CDH12: variants seen among roughly 807,000 people sequenced by gnomAD.
CDH12 encodes the protein cadherin 12.
A neutral mutation model predicts 74.1 loss-of-function variants in CDH12; 41 were observed. The observed-to-expected ratio is 0.55, with a 90% CI of 0.43 to 0.72. The LOEUF is 0.72. Among genes scored for constraint, CDH12 ranks in the 30% least tolerant of loss-of-function variants. The pLI is 0.00. For synonymous variants in CDH12, 399 were observed against 355.0 expected (o/e 1.12, Z -1.39); for missense variants, 945 against 977.2 (o/e 0.97, Z 0.44).
At chr5:22,215,985 G>A (rs1275518809) in intron 3 of CDH12, among the ~76,000 whole-genome samples, 3 of 152,132 alleles carry the variant, frequency 2.0e-5, no homozygotes, top group Admixed American at 1.3e-4. Context: ...TTGTGAAATA[G>A]GTTACCATAA....
intron 1 of CDH12, among the ~76,000 whole-genome samples, chr5:22,745,615 C>A (rs374660778): frequency 7.2e-5 from 11 of 152,058 alleles, no homozygotes; most frequent in Non-Finnish European, 2.9e-5. Context: ...ACATCCTTTG[C>A]GGAGACATGA....
chr5:21,973,688 C>T (rs1342368865), intron 6 of CDH12, among the ~76,000 whole-genome samples: 2 of 152,068 alleles, frequency 1.3e-5, no homozygotes, highest in Non-Finnish European at 2.9e-5. Flanking sequence ...AAGTAGGCAC[C>T]GAGTTAAACT....
intron 3 of CDH12, among the ~76,000 whole-genome samples, chr5:22,278,231 AT>A (rs1392714961): frequency 3.3e-5 from 5 of 152,202 alleles, no homozygotes; most frequent in Non-Finnish European, 5.9e-5. Context: ...ATTTAATTGA[AT>A]AAAGCATAGT....
intron 1 of CDH12, among the ~76,000 whole-genome samples, chr5:22,718,801 G>T (rs1035831602): frequency 6.6e-6 from 1 of 152,112 alleles, no homozygotes; most frequent in East Asian, 1.9e-4. Context: ...GCATTCTAGG[G>T]GGCATTCCTC....
At chr5:22,640,428 C>T (rs1308079129) in intron 1 of CDH12, among the ~76,000 whole-genome samples, 1 of 152,154 alleles carries the variant, frequency 6.6e-6, no homozygotes, top group Non-Finnish European at 1.5e-5. Context: ...TAACACAATC[C>T]TACTCTGTTT....
At chr5:21,917,768 C>T (rs1375058858) in intron 6 of CDH12, among the ~76,000 whole-genome samples, 1 of 152,114 alleles carries the variant, frequency 6.6e-6, no homozygotes, top group Non-Finnish European at 1.5e-5. Flanking sequence ...AATAAATTTA[C>T]AGAAAATAGA....
chr5:22,247,251 C>A (rs980268881), intron 3 of CDH12, among the ~76,000 whole-genome samples: 1 of 152,162 alleles, frequency 6.6e-6, no homozygotes, highest in Non-Finnish European at 1.5e-5. Context: ...CCAGTAAATA[C>A]ACAGTTACTT....
At chr5:22,279,646 A>G (rs940146416) in intron 3 of CDH12, among the ~76,000 whole-genome samples, 1 of 151,926 alleles carries the variant, frequency 6.6e-6, no homozygotes, top group Non-Finnish European at 1.5e-5. Flanking sequence ...TTGTCCTTGC[A>G]ATAGTTTGCT....
rs78657623 is a variant in CDH12, at chr5:21,782,557, A to G, written c.1393+801T>C. Among the ~76,000 whole-genome samples, 408 of 152,302 alleles carry G rather than the reference A, an allele frequency of 2.7e-3. 2 individuals carry two copies. Among genetic ancestry groups the G allele is most frequent in the African/African-American group, 9.6e-3 (399 of 41,582 alleles). On this transcript the variant is annotated intron_variant, in intron 11 of 14. Transcript: ENST00000382254. The stretch of plus-strand genomic sequence containing the variant: ...TAAATTTGCACCAGATGCACAAAAT[A>G]AAAGAAGAAGGAAGCAAATGGAAGA...
chr5:22,490,604 C>T (rs1488664245), intron 2 of CDH12, among the ~76,000 whole-genome samples: 1 of 151,572 alleles, frequency 6.6e-6, no homozygotes, highest in Non-Finnish European at 1.5e-5. Context: ...AATTTCTCAA[C>T]TTTAGAATTG....
intron 3 of CDH12, among the ~76,000 whole-genome samples, chr5:22,273,222 T>C (rs890154888): frequency 1.3e-5 from 2 of 152,020 alleles, no homozygotes; most frequent in African/African-American, 2.4e-5. Context: ...AAATCACTGA[T>C]CACAGATTAC....
chr5:21,798,215 A>G (rs1241234044), intron 10 of CDH12, among the ~76,000 whole-genome samples: 2 of 151,150 alleles, frequency 1.3e-5, no homozygotes, highest in Non-Finnish European at 2.9e-5. Context: ...CAGATTTTGG[A>G]GAATACCTAA....
chr5:22,014,384 C>A (rs1737477288), intron 5 of CDH12, among the ~76,000 whole-genome samples: 2 of 151,888 alleles, frequency 1.3e-5, no homozygotes, highest in Admixed American at 6.6e-5. Context: ...TATATGGATC[C>A]TCAGAAATAT....
At chr5:21,969,623 C>G (rs1471118043) in intron 6 of CDH12, among the ~76,000 whole-genome samples, 1 of 151,882 alleles carries the variant, frequency 6.6e-6, no homozygotes, top group African/African-American at 2.4e-5. Flanking sequence ...GACCGCAACC[C>G]CAGCCAACAA....
intron 1 of CDH12, among the ~76,000 whole-genome samples, chr5:22,728,505 A>C (rs576902385): frequency 2.0e-5 from 3 of 151,908 alleles, no homozygotes; most frequent in Non-Finnish European, 2.9e-5. Flanking sequence ...CTGTAGTAAT[A>C]CCTTGAGGAC....
Position 21,999,949 on chromosome 5 carries a change from T to A in CDH12, c.232-24564A>T, listed in dbSNP as rs181863913. 9.8e-4 allele frequency among the ~76,000 whole-genome samples: 149 copies of A among 152,266 alleles called. No homozygotes were observed. In the Middle Eastern group the frequency reaches 0.014, roughly 14 times the overall value. Reference sequence around the variant, plus strand: ...AAATAATAAAAAATTAAGAGTTTAGTACAATGCAAATACTTTTGCACTACT... The same window carrying A: ...AAATAATAAAAAATTAAGAGTTTAGAACAATGCAAATACTTTTGCACTACT... On this transcript the variant is annotated intron_variant, in intron 5 of 14. Coordinates refer to ENST00000382254, the MANE Select transcript of CDH12 (RefSeq NM_004061.5).
chr5:22,635,932 A>G (rs996842704), intron 1 of CDH12, among the ~76,000 whole-genome samples: 1 of 152,012 alleles, frequency 6.6e-6, no homozygotes, highest in African/African-American at 2.4e-5. Flanking sequence ...AATAAAATAA[A>G]ATAAAAAATT....
chr5:22,030,564 T>C (rs58394781), intron 5 of CDH12, among the ~76,000 whole-genome samples: 1,669 of 152,312 alleles, frequency 0.011, 31 homozygotes, highest in African/African-American at 0.036. Context: ...GTTTCATTTA[T>C]ATAGCACAGG....
At chr5:21,929,448 G>T (rs773368608) in intron 6 of CDH12, among the ~76,000 whole-genome samples, 3 of 151,724 alleles carry the variant, frequency 2.0e-5, no homozygotes, top group Non-Finnish European at 4.4e-5. Context: ...TCCCTGGCAT[G>T]CTCAGTCCAC....
Sources: gnomAD v4.1 joint callset for allele counts (sites outside exome capture counted in the v4.1 genomes callset) on GRCh38, gnomAD v4.1.1 for gene constraint, MANE v1.5 for transcripts, NCBI Gene and HGNC (gene_info 2026-07-23, HGNC 2026-07-21) for gene names.